PLPPR5: variants seen among roughly 807,000 people sequenced by gnomAD.
PLPPR5 encodes phospholipid phosphatase-related protein type 5.
Under a neutral mutation model 33.9 loss-of-function variants are expected in PLPPR5, and 16 were observed. That is an observed-to-expected ratio of 0.47 (90% confidence interval 0.32 to 0.72). The LOEUF is 0.72. Among genes scored for constraint, PLPPR5 ranks in the 30% least tolerant of loss-of-function variants. The pLI, the probability that PLPPR5 is intolerant of heterozygous loss-of-function variation, is 0.03. For missense variants in PLPPR5, 301 were observed against 406.7 expected (o/e 0.74, Z 2.23); for synonymous variants, 163 against 150.3 (o/e 1.08, Z -0.62).
At chr1:98,951,700 T>C (rs545848940) in intron 3 of PLPPR5, among the ~76,000 whole-genome samples, 24 of 152,358 alleles carry the variant, frequency 1.6e-4, no homozygotes, top group African/African-American at 5.8e-4. Context: ...TATTCAGTAA[T>C]CTTTATTTGA....
rs142771953 is a variant in PLPPR5 at position 98,995,810 on chromosome 1, T to C, written c.237+8625A>G. ...GCTTAATAAGTTGTTATTAAATAACTATGCACAGCAGAATTTGTTCTGACA... is the reference window on the plus strand; with the variant it reads ...GCTTAATAAGTTGTTATTAAATAACCATGCACAGCAGAATTTGTTCTGACA... On this transcript the variant is annotated intron_variant, in intron 1 of 5. Transcript: ENST00000263177. Among the ~76,000 whole-genome samples the C allele has an allele frequency of 3.3e-5, 5 of 152,266 alleles. No individual in the cohort carries two copies. The East Asian group carries it at 9.6e-4, about 29-fold the overall frequency.
At chr1:98,932,052 G>A (rs59217416) in intron 3 of PLPPR5, among the ~76,000 whole-genome samples, 3,437 of 152,170 alleles carry the variant, frequency 0.023, 154 homozygotes, top group African/African-American at 0.079. Context: ...GTGAAAGTGC[G>A]GTGAGGGAGG....
chr1:98,914,797 T>A lies in PLPPR5; in HGVS notation c.922A>T (p.Thr308Ser). The change falls in exon 5 of 6, where the codon ACA becomes TCA. Residue 308 changes from threonine to serine, a missense_variant. Thr to Ser is a moderately conservative substitution (Grantham distance 58). Transcript: ENST00000263177. ...AAATTGTGAGTCACCTGTACAGATG[T>A]TACCTTTTCCAAAGGACTTTCTACT... ...PRVESPLEKV[T>S]SVQNHITAFA... is the part of the protein sequence containing the mutation. 1.2e-6 allele frequency: 2 copies of A among 1,612,734 alleles called. No homozygotes were observed. Among genetic ancestry groups the A allele is most frequent in the South Asian group, 2.2e-5 (2 of 90,952 alleles).
intron 3 of PLPPR5, among the ~76,000 whole-genome samples, chr1:98,947,969 C>G (rs1032354751): frequency 6.6e-6 from 1 of 152,172 alleles, no homozygotes; most frequent in Admixed American, 6.5e-5. Flanking sequence ...AAGCAGGGAG[C>G]TTTAGAGGAA....
chr1:98,924,443 G>A (rs1649678259), intron 3 of PLPPR5, among the ~76,000 whole-genome samples: 1 of 152,162 alleles, frequency 6.6e-6, no homozygotes, highest in South Asian at 2.1e-4. Flanking sequence ...TTGAGTACCA[G>A]TGAATGCAAG....
At chr1:98,950,443 T>C (rs1016832696) in intron 3 of PLPPR5, among the ~76,000 whole-genome samples, 1 of 152,212 alleles carries the variant, frequency 6.6e-6, no homozygotes, top group Non-Finnish European at 1.5e-5. Flanking sequence ...TAGAACAGTA[T>C]GATTTATAAT....
At chr1:98,988,416 T>C (rs138873461) in intron 1 of PLPPR5, among the ~76,000 whole-genome samples, 162 of 152,196 alleles carry the variant, frequency 1.1e-3, no homozygotes, top group Non-Finnish European at 1.8e-3. Flanking sequence ...AAATATACTA[T>C]ACCTGTTATT....
At position 98,957,556 on chromosome 1, in the gene PLPPR5, A is replaced by G. The variant is rs554737743; in HGVS notation, c.238-815T>C. ...AGAATTCACAACAGATTCTCCATGC[A>G]AATATTTTTAAGGCATCTGATACAC... On this transcript the variant is annotated intron_variant, in intron 1 of 5. Coordinates refer to ENST00000263177, the MANE Select transcript of PLPPR5 (RefSeq NM_001037317.2). 7.9e-5 allele frequency among the ~76,000 whole-genome samples: 12 copies of G among 152,214 alleles called. 2 individuals carry two copies. In the South Asian group the frequency reaches 2.5e-3, roughly 32 times the overall value.
intron 1 of PLPPR5, among the ~76,000 whole-genome samples, chr1:98,988,474 G>C (rs1351393305): frequency 6.6e-6 from 1 of 152,036 alleles, no homozygotes; most frequent in Non-Finnish European, 1.5e-5. Flanking sequence ...TCAACTTGTA[G>C]GCTAGACTAT....
At chr1:98,918,756 G>C (rs781233493) in intron 4 of PLPPR5, among the ~76,000 whole-genome samples, 13 of 152,198 alleles carry the variant, frequency 8.5e-5, no homozygotes, top group Non-Finnish European at 1.8e-4. Flanking sequence ...GGTATTCAGT[G>C]TCTTGTCTGC....
chr1:98,945,321 A>G (rs1464631430), intron 3 of PLPPR5, among the ~76,000 whole-genome samples: 1 of 152,246 alleles, frequency 6.6e-6, no homozygotes, highest in Non-Finnish European at 1.5e-5. Context: ...AAAATAGGAC[A>G]TAAGACAGGA....
intron 2 of PLPPR5, among the ~76,000 whole-genome samples, chr1:98,955,840 C>T (rs545569150): frequency 3.9e-5 from 6 of 152,166 alleles, no homozygotes; most frequent in African/African-American, 1.4e-4. Context: ...AGCATATACA[C>T]TTATTTTTAT....
chr1:98,915,842 C>T (rs1302573867), intron 4 of PLPPR5, among the ~76,000 whole-genome samples: 1 of 152,106 alleles, frequency 6.6e-6, no homozygotes, highest in Non-Finnish European at 1.5e-5. Flanking sequence ...GCAGGTGAAT[C>T]ATATTTAAGA....
At chr1:98,896,695 G>A (rs948747254) in intron 5 of PLPPR5, among the ~76,000 whole-genome samples, 4 of 152,030 alleles carry the variant, frequency 2.6e-5, no homozygotes, top group East Asian at 1.9e-4. Context: ...AAGCAAACAC[G>A]TTTCTGGGAA....
At chr1:98,996,323 T>A (rs185324223) in intron 1 of PLPPR5, among the ~76,000 whole-genome samples, 1 of 152,058 alleles carries the variant, frequency 6.6e-6, no homozygotes, top group African/African-American at 2.4e-5. Context: ...ACATGTTGTA[T>A]CAGTGAGAAA....
At chr1:99,001,671 G>GATAGATATATATATATATATAT (rs1247519605) in intron 1 of PLPPR5, among the ~76,000 whole-genome samples, 2 of 102,190 alleles carry the variant, frequency 2.0e-5, no homozygotes, top group South Asian at 3.3e-4. Context: ...GAAAGTTAAA[G>GATAGATATATATATATATATAT]ATATATATAT....
At chr1:99,003,605 A>C in intron 1 of PLPPR5, among the ~76,000 whole-genome samples, 1 of 152,218 alleles carries the variant, frequency 6.6e-6, no homozygotes. Flanking sequence ...TATTATGTGT[A>C]ATTTATCCCC....
intron 4 of PLPPR5, 30 bp downstream of exon 4, chr1:98,921,852 C>A: frequency 6.4e-7 from 1 of 1,564,638 alleles, no homozygotes; most frequent in East Asian, 2.3e-5. Context: ...AATTAAAAAC[C>A]CAATGATATA....
chr1:98,946,403 T>C (rs1650551967), intron 3 of PLPPR5, among the ~76,000 whole-genome samples: 2 of 152,198 alleles, frequency 1.3e-5, no homozygotes, highest in African/African-American at 4.8e-5. Context: ...AAGCCTCAGG[T>C]TGGTTTACAA....
Sources: gnomAD v4.1 joint callset for allele counts (sites outside exome capture counted in the v4.1 genomes callset) on GRCh38, gnomAD v4.1.1 for gene constraint, MANE v1.5 for transcripts, NCBI Gene and HGNC (gene_info 2026-07-23, HGNC 2026-07-21) for gene names.